PAK4: variants seen among roughly 807,000 people sequenced by gnomAD.
The protein encoded by PAK4 is serine/threonine-protein kinase PAK 4.
In PAK4, 49 loss-of-function variants were observed where a neutral mutation model predicts 53.5. The observed-to-expected ratio is 0.92, with a 90% confidence interval of 0.73 to 1.16. The LOEUF (loss-of-function observed/expected upper bound fraction) is 1.16. Among genes scored for constraint, PAK4 ranks in the 50% most tolerant of loss-of-function variants. The probability of loss-of-function intolerance (pLI) is 0.00; values close to 1 mark genes in which losing one functional copy is unlikely to be tolerated. For missense variants in PAK4, 824 were observed against 850.7 expected (o/e 0.97, Z 0.39); for synonymous variants, 376 against 375.6 (o/e 1.00, Z -0.01).
chr19:39,168,490 A>AC (rs1216869438), intron 1 of PAK4, 188 bp downstream of exon 2: 1 of 152,066 alleles, frequency 6.6e-6, no homozygotes, highest in Admixed American at 6.5e-5. Flanking sequence ...GCTCCCAGTC[A>AC]CCCATTACCC....
intron 1 of PAK4, among the ~76,000 whole-genome samples, chr19:39,156,117 C>G (rs560106437): frequency 1.1e-4 from 16 of 152,216 alleles, no homozygotes; most frequent in Non-Finnish European, 2.1e-4. Flanking sequence ...GCCCCTCCCC[C>G]GGTCAGGCTA....
chr19:39,170,434 C>A (rs184475478), intron 2 of PAK4, among the ~76,000 whole-genome samples: 1 of 152,162 alleles, frequency 6.6e-6, no homozygotes, highest in African/African-American at 2.4e-5. Context: ...TTCCAAGGCC[C>A]GTGCTCTTAA....
chr19:39,140,004 G>A (rs1244678329), intron 1 of PAK4, among the ~76,000 whole-genome samples: 2 of 152,216 alleles, frequency 1.3e-5, no homozygotes, highest in Non-Finnish European at 2.9e-5. Flanking sequence ...TGATTCCTGT[G>A]TTCCAGATAA....
Position 39,175,287 on chromosome 19 carries a change from G to A in PAK4, c.1233-25G>A, listed in dbSNP as rs765462823. The A allele has an allele frequency of 2.6e-5, 40 of 1,558,164 alleles. No individual in the cohort carries two copies. In the South Asian group the frequency reaches 4.4e-4, roughly 17 times the overall value. ...ACCCCGGGGTGCTGTCCAGCTGGCT[G>A]CTCACCCCCCACCCCACCCCGCAGG... On this transcript the variant is annotated intron_variant, in intron 5 of 8. Transcript: ENST00000358301. This position sits in a 1 kb window ranked among gnomAD's most constrained non-coding sequence, Gnocchi z 4.7.
intron 1 of PAK4, among the ~76,000 whole-genome samples, chr19:39,138,526 T>C (rs2073858275): frequency 6.6e-6 from 1 of 152,230 alleles, no homozygotes; most frequent in Admixed American, 6.5e-5. Flanking sequence ...AGCCGACGCC[T>C]TGCCCACCTC....
At chr19:39,158,498 T>G (rs1450761612) in intron 1 of PAK4, among the ~76,000 whole-genome samples, 1 of 152,184 alleles carries the variant, frequency 6.6e-6, no homozygotes, top group Non-Finnish European at 1.5e-5. Context: ...CTGCTCTGAT[T>G]TCCCAGGCCG....
chr19:39,141,214 C>T (rs1332073834), intron 1 of PAK4, among the ~76,000 whole-genome samples: 1 of 152,192 alleles, frequency 6.6e-6, no homozygotes, highest in African/African-American at 2.4e-5. Flanking sequence ...CACCTCCCTG[C>T]TTATTTCAGA....
rs576692321 is a variant in PAK4, at chr19:39,178,686, C to T, written c.*107C>T. On this transcript the variant is annotated 3_prime_UTR_variant, in exon 9 of 9. Coordinates refer to ENST00000358301, the Ensembl canonical transcript of PAK4. The surrounding 1 kb of genome is among the most constrained non-coding windows in gnomAD (Gnocchi z 4.4). ...ACTCCTCCCAGCCCGGGAGATGCTC[C>T]GCGTGGCACCACCCTCCTTGCTGGG... The T allele has an allele frequency of 2.4e-5, 24 of 984,270 alleles. No individual in the cohort carries two copies. In the East Asian group the frequency reaches 2.5e-4, roughly 10 times the overall value. The allele number at this position is 984,270 out of a possible 1,614,324, so 61.0% of individuals were successfully genotyped here.
intron 1 of PAK4, among the ~76,000 whole-genome samples, chr19:39,129,062 C>T (rs193285144): frequency 6.6e-6 from 1 of 152,274 alleles, no homozygotes; most frequent in Non-Finnish European, 1.5e-5. Flanking sequence ...CTGCAAGTTG[C>T]TGTTTTTGTT....
intron 1 of PAK4, among the ~76,000 whole-genome samples, chr19:39,132,368 G>T (rs143105863): frequency 1.5e-3 from 234 of 152,256 alleles, no homozygotes; most frequent in African/African-American, 5.3e-3. Context: ...ATCACCCCCG[G>T]TTTCTTTTCT....
At chr19:39,133,915 G>A (rs1346893593) in intron 1 of PAK4, among the ~76,000 whole-genome samples, 2 of 151,752 alleles carry the variant, frequency 1.3e-5, no homozygotes, top group East Asian at 3.9e-4. Context: ...CCCTCACTGC[G>A]CCCACAGTCA....
At chr19:39,142,565 C>T (rs1406077867) in intron 1 of PAK4, among the ~76,000 whole-genome samples, 1 of 152,142 alleles carries the variant, frequency 6.6e-6, no homozygotes, top group Admixed American at 6.5e-5. Flanking sequence ...CCTTCCCCAC[C>T]CCCCGGGGCC....
downstream of PAK4, chr19:39,181,798 GAGGAGGGGCCCGGAGGCCC>G (rs1156617293): frequency 6.6e-6 from 1 of 152,320 alleles, no homozygotes; most frequent in East Asian, 1.9e-4. Flanking sequence ...TGCCGGAGGT[GAGGAGGGGCCCGGAGGCCC>G]AGGAGGGGCA....
chr19:39,175,376 G>A lies in PAK4; in HGVS notation c.1297G>A (p.Ala433Thr), dbSNP rs751655071. 3.8e-5 allele frequency: 61 copies of A among 1,607,682 alleles called. No homozygotes were observed. In the East Asian group the frequency reaches 1.1e-3, roughly 30 times the overall value. ...GCTGCAGGCCCTGTCGGTGCTCCACGCCCAGGGCGTCATCCACCGGGACAT... is the reference window on the plus strand; with the variant it reads ...GCTGCAGGCCCTGTCGGTGCTCCACACCCAGGGCGTCATCCACCGGGACAT... Residue 433 changes from alanine to threonine, a missense_variant, in exon 6 of 9, where the codon GCC (alanine) becomes ACC (threonine). By Grantham distance (58) the Ala-to-Thr change is moderately conservative. This residue lies in a region of PAK4 where 346 missense variants were observed against 415.0 expected (regional missense o/e 0.83). Transcript: ENST00000358301. The surrounding 1 kb of genome is among the most constrained non-coding windows in gnomAD (Gnocchi z 4.7).
chr19:39,150,655 C>T (rs2074079035), intron 1 of PAK4, among the ~76,000 whole-genome samples: 1 of 151,986 alleles, frequency 6.6e-6, no homozygotes, highest in Non-Finnish European at 1.5e-5. Flanking sequence ...TTGGGGAGGC[C>T]GAGGTGGGCA....
At chr19:39,176,471 A>G (rs551977615) in intron 6 of PAK4, 119 bp from the exon 8 acceptor site, 2 of 1,364,902 alleles carry the variant, frequency 1.5e-6, no homozygotes, top group Admixed American at 3.5e-5. Context: ...CCTAGACCCC[A>G]GCTCTGACCT....
intron 1 of PAK4, among the ~76,000 whole-genome samples, chr19:39,144,283 T>C (rs979401339): frequency 1.3e-4 from 20 of 152,164 alleles, no homozygotes; most frequent in Admixed American, 1.2e-3. Context: ...AGGGCTGACA[T>C]GTCTTCTCTC....
chr19:39,177,983 G>A (rs544690830), intron 8 of PAK4, among the ~76,000 whole-genome samples, 174 bp downstream of exon 9: 1 of 152,232 alleles, frequency 6.6e-6, no homozygotes, highest in East Asian at 1.9e-4. Context: ...CCTCTGTGGG[G>A]CCTGGGCGAC....
At chr19:39,167,608 G>T (rs1399003263) in intron 1 of PAK4, among the ~76,000 whole-genome samples, 2 of 152,188 alleles carry the variant, frequency 1.3e-5, no homozygotes, top group South Asian at 4.1e-4. Flanking sequence ...AACCCTGGGA[G>T]CCTTGGCCAG....
Sources: gnomAD v4.1 joint callset for allele counts (sites outside exome capture counted in the v4.1 genomes callset) on GRCh38, gnomAD v4.1.1 for gene constraint, gnomAD v4.1.1 regional missense constraint, Gnocchi (gnomAD v3.1) non-coding constraint, MANE v1.5 for transcripts, NCBI Gene and HGNC (gene_info 2026-07-23, HGNC 2026-07-21) for gene names.